The following PHF20 variants were observed in gnomAD, a reference collection of about 807,000 sequenced individuals.
PHF20 encodes the protein glioma-expressed antigen 2.
Under a neutral mutation model 113.5 loss-of-function variants are expected in PHF20, and 23 were observed. The ratio of observed to expected loss-of-function variants is 0.20; its 90% confidence interval spans 0.15 to 0.29. The LOEUF (loss-of-function observed/expected upper bound fraction) is 0.29, where lower values mean the gene tolerates loss of function less well. PHF20 is among the 10% of genes least tolerant of loss of function. The pLI, the probability that PHF20 is intolerant of heterozygous loss-of-function variation, is 1.00. For missense variants in PHF20, 943 were observed against 1,219.6 expected, an observed-to-expected ratio of 0.77 and a Z score of 3.38; for synonymous variants, 434 against 457.3, an observed-to-expected ratio of 0.95 and a Z score of 0.65.
At chr20:35,917,192 G>A in intron 12 of PHF20, 1 of 470,310 alleles carries the variant, frequency 2.1e-6, no homozygotes. Flanking sequence ...TTCATGGGGA[G>A]TTGTAGCTCC....
chr20:35,780,520 C>T (rs113661680), intron 1 of PHF20, among the ~76,000 whole-genome samples: 7,142 of 149,466 alleles, frequency 0.048, 208 homozygotes, highest in African/African-American at 0.089. Flanking sequence ...GCCACCATGC[C>T]TGGCTCATTC....
intron 2 of PHF20, among the ~76,000 whole-genome samples, chr20:35,805,344 C>T (rs924092276): frequency 2.1e-5 from 3 of 144,918 alleles, no homozygotes; most frequent in African/African-American, 5.1e-5. Context: ...CATGCCACCA[C>T]GCCTGATTTT....
intron 9 of PHF20, among the ~76,000 whole-genome samples, chr20:35,873,461 T>G (rs2054460524): frequency 7.4e-6 from 1 of 135,812 alleles, no homozygotes; most frequent in South Asian, 2.3e-4. Context: ...TTTGTCTGTT[T>G]TTTTGTTTTT....
In PHF20 at chr20:35,789,862, C is replaced by G. The variant is rs1164702861; in HGVS notation, c.-32-11629C>G. On this transcript the variant is annotated intron_variant, in intron 1 of 17. Coordinates refer to ENST00000374012, the MANE Select transcript of PHF20 (RefSeq NM_016436.5). ...CGCCCAGCCCCCGCCCCCCCCCCCC[C>G]CTTTTTTTTTATACACAGTTTTACT... Among the ~76,000 whole-genome samples the G allele has an allele frequency of 9.7e-5, 7 of 72,536 alleles. 1 individual carries two copies. Among genetic ancestry groups the G allele is most frequent in the East Asian group, 9.8e-4 (2 of 2,048 alleles). The allele number at this position is 72,536 out of a possible 152,430, so 47.6% of individuals were successfully genotyped here.
intron 2 of PHF20, among the ~76,000 whole-genome samples, chr20:35,836,175 AT>A (rs990198949): frequency 6.0e-5 from 9 of 148,858 alleles, no homozygotes; most frequent in African/African-American, 1.2e-4. Context: ...CTCATAGCAA[AT>A]TTTTTTTTTA....
chr20:35,850,171 CTCAG>C (rs1001470049), intron 4 of PHF20, among the ~76,000 whole-genome samples: 2 of 152,044 alleles, frequency 1.3e-5, no homozygotes, highest in African/African-American at 4.8e-5. Context: ...TTGTTAGACC[CTCAG>C]TCTGTGTTGT....
At chr20:35,878,585 T>A in intron 9 of PHF20, 1 of 754,320 alleles carries the variant, frequency 1.3e-6, no homozygotes, top group Non-Finnish European at 2.5e-6. Flanking sequence ...AATTGTTGCA[T>A]ATGGATTATA....
intron 10 of PHF20, among the ~76,000 whole-genome samples, chr20:35,905,610 A>G (rs2055189060): frequency 6.6e-6 from 1 of 152,234 alleles, no homozygotes; most frequent in Non-Finnish European, 1.5e-5. Context: ...TCCAACCTCC[A>G]GAACTGTGAG....
chr20:35,826,772 G>T (rs192592520), intron 2 of PHF20, among the ~76,000 whole-genome samples: 129 of 152,274 alleles, frequency 8.5e-4, no homozygotes, highest in African/African-American at 2.9e-3. Flanking sequence ...TCTGTATCAG[G>T]CATTCTGCTG....
chr20:35,828,412 C>T (rs2042300658), intron 2 of PHF20, among the ~76,000 whole-genome samples: 1 of 151,988 alleles, frequency 6.6e-6, no homozygotes, highest in Admixed American at 6.6e-5. Flanking sequence ...GTTTTTTTCT[C>T]CCCGGCCCCA....
chr20:35,896,715 C>A (rs756355884), intron 9 of PHF20, among the ~76,000 whole-genome samples: 2 of 149,394 alleles, frequency 1.3e-5, no homozygotes, highest in East Asian at 3.9e-4. Flanking sequence ...GCTGGAGAAT[C>A]GCTTGAACTG....
Position 35,863,296 on chromosome 20 carries a change from C to G in PHF20, c.704C>G (p.Ala235Gly), listed in dbSNP as rs1014731601. ...AATGACAGAGAGTATTCTGGAGATG[C>G]CCAAGTGGATAAGAAACCTGAAAAT... The part of the protein sequence containing the change: ...SENDREYSGD[A>G]QVDKKPENDI... The change falls in exon 6 of 18, where the codon GCC becomes GGC. Residue 235 changes from alanine (A) to glycine (G), a missense_variant. This residue lies in a region of PHF20 where 592 missense variants were observed against 787.2 expected (regional missense o/e 0.75). Coordinates refer to ENST00000374012, the MANE Select transcript of PHF20 (RefSeq NM_016436.5). 3.7e-6 allele frequency: 6 copies of G among 1,614,070 alleles called. No homozygotes were observed. Among genetic ancestry groups the G allele is most frequent in the Non-Finnish European group, 4.2e-6 (5 of 1,179,990 alleles).
intron 17 of PHF20, among the ~76,000 whole-genome samples, chr20:35,941,620 T>C (rs576482038): frequency 1.3e-5 from 2 of 152,322 alleles, no homozygotes; most frequent in East Asian, 1.9e-4. Flanking sequence ...CTCCAGGAAG[T>C]TGACGGTTTT....
intron 3 of PHF20, 78 bp from the exon 4 acceptor site, chr20:35,847,272 A>G: frequency 1.1e-6 from 1 of 889,228 alleles, no homozygotes; most frequent in South Asian, 1.6e-5. Flanking sequence ...AGCTTCTTTT[A>G]TGAGATCTGG....
chr20:35,937,867 GTTGTT>G (rs891586051), intron 15 of PHF20, among the ~76,000 whole-genome samples: 4 of 152,042 alleles, frequency 2.6e-5, no homozygotes, highest in African/African-American at 7.2e-5. Flanking sequence ...TGTTGTTGTT[GTTGTT>G]TTGTTTTGTT....
Position 35,938,877 on chromosome 20 carries a change from G to A in PHF20, c.2481G>A (p.Pro827=), listed in dbSNP as rs149353721. 2,017 of 1,614,138 alleles carry A rather than the reference G, an allele frequency of 1.2e-3. 17 individuals carry two copies. In the African/African-American group the frequency reaches 0.021, roughly 17 times the overall value. The change falls in exon 16 of 18, where the codon CCG becomes CCA. Residue 827 remains proline (P), a synonymous_variant. Coordinates refer to ENST00000374012, the MANE Select transcript of PHF20 (RefSeq NM_016436.5). ...EKPRPLALPL[P]RSVEESYITS... ...CCAGGCCCCTGGCCCTGCCCCTGCC[G>A]CGTTCTGTGGAGGAATCCTATATCA...
chr20:35,891,045 T>A (rs1176683352), intron 9 of PHF20, among the ~76,000 whole-genome samples: 3 of 152,142 alleles, frequency 2.0e-5, no homozygotes, highest in African/African-American at 7.2e-5. Context: ...ATGTTTGATG[T>A]GACAGTACAC....
chr20:35,848,858 T>TAAAA lies in PHF20; in HGVS notation c.340+1438_340+1441dup, dbSNP rs11472341. On this transcript the variant is annotated intron_variant, in intron 4 of 17. Coordinates refer to ENST00000374012, the MANE Select transcript of PHF20 (RefSeq NM_016436.5). ...GGCAGCAGAACGAGACTCTGTCTCT[T>TAAAA]AAAAAAAAAAAAAAAAAGTCTTTTC... Among the ~76,000 whole-genome samples the TAAAA allele has an allele frequency of 3.5e-3, 468 of 133,416 alleles. 3 individuals are homozygous for TAAAA. Among genetic ancestry groups the TAAAA allele is most frequent in the Middle Eastern group, 0.027 (7 of 262 alleles). The allele number at this position is 133,416 out of a possible 152,430, so 87.5% of individuals were successfully genotyped here.
chr20:35,776,698 C>T, intron 1 of PHF20, among the ~76,000 whole-genome samples: 1 of 152,198 alleles, frequency 6.6e-6, no homozygotes, highest in Admixed American at 6.5e-5. Context: ...CCCTGTCCTC[C>T]TCCAACCCCT....
Sources: allele counts gnomAD v4.1 joint callset (sites outside exome capture counted in the v4.1 genomes callset), GRCh38; gene constraint gnomAD v4.1.1; regional missense constraint gnomAD v4.1.1; transcripts MANE v1.5; gene names NCBI Gene and HGNC (gene_info 2026-07-23, HGNC 2026-07-21).